The following CD33 variants were observed in gnomAD, a reference collection of about 807,000 sequenced individuals.
CD33 encodes myeloid cell surface antigen CD33.
A neutral mutation model predicts 31.4 loss-of-function variants in CD33; 25 were observed. That is an observed-to-expected ratio of 0.80 (90% CI 0.58 to 1.11). The LOEUF (loss-of-function observed/expected upper bound fraction) is 1.11. CD33 is among the 50% of genes most tolerant of loss of function. The pLI, the probability that CD33 is intolerant of heterozygous loss-of-function variation, is 0.00. For missense variants in CD33, 407 were observed against 448.1 expected, an observed-to-expected ratio of 0.91 and a Z score of 0.83; for synonymous variants, 176 against 180.6, an observed-to-expected ratio of 0.97 and a Z score of 0.20.
At chr19:51,223,972 A>G (rs1169241266), upstream of CD33, among the ~76,000 whole-genome samples, 1 of 152,186 alleles carries the variant, frequency 6.6e-6, no homozygotes, top group Non-Finnish European at 1.5e-5. Flanking sequence ...GGTCAGTGGC[A>G]TCTCTTCTCA....
chr19:51,216,221 CGAGTGT>C, the CD33 span, among the ~76,000 whole-genome samples: 3,218 of 140,638 alleles, frequency 0.023, 123 homozygotes, highest in Admixed American at 0.086. Context: ...AAATGTCACC[CGAGTGT>C]GTGTGTGTGT....
chr19:51,231,178 A>G (rs935081304), intron 4 of CD33, among the ~76,000 whole-genome samples: 2 of 152,236 alleles, frequency 1.3e-5, no homozygotes, highest in African/African-American at 4.8e-5. Flanking sequence ...TTTCTACCCC[A>G]AAGTCCTCAC....
intron 6 of CD33, chr19:51,238,143 A>G (rs1256262872): frequency 6.6e-6 from 1 of 152,260 alleles, no homozygotes; most frequent in Non-Finnish European, 1.5e-5. Flanking sequence ...ATAGATGCCA[A>G]TGATGATGTT....
upstream of CD33, among the ~76,000 whole-genome samples, chr19:51,220,177 A>G (rs548853361): frequency 2.0e-5 from 3 of 152,228 alleles, no homozygotes; most frequent in East Asian, 3.9e-4. Context: ...TGCTGGTTCA[A>G]TCTCACTACT....
the CD33 span, among the ~76,000 whole-genome samples, chr19:51,215,053 G>A: frequency 6.6e-6 from 1 of 152,100 alleles, no homozygotes; most frequent in South Asian, 2.1e-4. Flanking sequence ...TGTGACAAAG[G>A]TGGTTCTTGT....
the CD33 span, among the ~76,000 whole-genome samples, chr19:51,213,014 T>C: frequency 2.0e-5 from 3 of 152,312 alleles, no homozygotes; most frequent in African/African-American, 7.2e-5. Context: ...CTTCAGCAAG[T>C]GTATGCCTAT....
the CD33 span, among the ~76,000 whole-genome samples, chr19:51,219,145 G>C: frequency 6.6e-6 from 1 of 152,058 alleles, no homozygotes; most frequent in Non-Finnish European, 1.5e-5. Context: ...TGATTCTTCT[G>C]ATCCATGAGC....
the CD33 span, chr19:51,212,059 T>C: frequency 1.3e-6 from 1 of 789,658 alleles, no homozygotes; most frequent in Non-Finnish European, 2.1e-6. Context: ...ACCATCCAAC[T>C]CAGTGTCTCC....
intron 4 of CD33, among the ~76,000 whole-genome samples, chr19:51,230,970 G>T (rs1252637909): frequency 6.6e-6 from 1 of 152,182 alleles, no homozygotes; most frequent in Non-Finnish European, 1.5e-5. Context: ...ACCCCTCGTG[G>T]CTTGGAAAGA....
chr19:51,211,879 G>C, the CD33 span: 77 of 1,427,324 alleles, frequency 5.4e-5, no homozygotes, highest in Non-Finnish European at 6.4e-5. Context: ...CCCTCGGCCT[G>C]TGAGCAGGGG....
At chr19:51,225,770 C>T (rs567292569) in intron 2 of CD33, 33 bp from the exon 3 acceptor site, 3 of 1,600,018 alleles carry the variant, frequency 1.9e-6, no homozygotes, top group African/African-American at 2.7e-5. Flanking sequence ...GACCCTCCCT[C>T]CTGATTCTGC....
the CD33 span, among the ~76,000 whole-genome samples, chr19:51,214,174 C>CT: frequency 2.1e-3 from 249 of 120,534 alleles, no homozygotes; most frequent in East Asian, 9.1e-3. Context: ...TTTTCTTTTC[C>CT]TTTTTTTTTT....
intron 6 of CD33, chr19:51,237,364 T>C (rs1387684630): frequency 2.6e-5 from 4 of 152,204 alleles, no homozygotes; most frequent in African/African-American, 7.2e-5. Flanking sequence ...TTAACATTTA[T>C]TGGGGAAAGG....
At chr19:51,238,769 G>A (rs1981971967) in intron 6 of CD33, 1 of 152,230 alleles carries the variant, frequency 6.6e-6, no homozygotes, top group South Asian at 2.1e-4. Context: ...GGACTCTTTT[G>A]AGAAACACTG....
At chr19:51,226,616 A>G (rs1981054656) in intron 4 of CD33, among the ~76,000 whole-genome samples, 1 of 152,188 alleles carries the variant, frequency 6.6e-6, no homozygotes, top group Admixed American at 6.5e-5. Flanking sequence ...ATAATAGTAC[A>G]TATTTATGGA....
the CD33 span, among the ~76,000 whole-genome samples, chr19:51,219,477 T>C: frequency 6.6e-6 from 1 of 152,196 alleles, no homozygotes; most frequent in South Asian, 2.1e-4. Flanking sequence ...CAGAGATAAT[T>C]TGACTTCCTC....
rs763306564 is a variant in CD33, at chr19:51,235,166, A to T, written c.755A>T (p.Glu252Val). The T allele has an allele frequency of 6.2e-7, 1 of 1,613,872 alleles. No individual in the cohort carries two copies. Residue 252 changes from glutamate to valine, a missense_variant, in exon 5 of 7, where the codon GAG becomes GTG. Coordinates refer to ENST00000262262, the MANE Select transcript of CD33 (RefSeq NM_001772.4). ...IFPGDGSGKQ[E>V]TRAGVVHGAI... Reference sequence around the variant, plus strand: ...TCTTTTTTGTCTGCAGGGAAACAAGAGACCAGAGCAGGAGTGGTTCATGGG... The same window carrying T: ...TCTTTTTTGTCTGCAGGGAAACAAGTGACCAGAGCAGGAGTGGTTCATGGG...
chr19:51,235,298 A>T, intron 5 of CD33, 45 bp downstream of exon 5: 1 of 1,556,362 alleles, frequency 6.4e-7, no homozygotes, highest in Non-Finnish European at 8.9e-7. Flanking sequence ...GGTGAAGAGG[A>T]TGGACCTGGT....
chr19:51,213,801 G>C, the CD33 span, among the ~76,000 whole-genome samples: 2 of 149,306 alleles, frequency 1.3e-5, no homozygotes, highest in Admixed American at 6.7e-5. Flanking sequence ...CTCCCAAATT[G>C]CTGGGATTAC....
Sources: gnomAD v4.1 joint callset for allele counts (sites outside exome capture counted in the v4.1 genomes callset) on GRCh38, gnomAD v4.1.1 for gene constraint, MANE v1.5 for transcripts, NCBI Gene and HGNC (gene_info 2026-07-23, HGNC 2026-07-21) for gene names.